Variants in GRIA1 observed in about 807,000 individuals in gnomAD.
GRIA1 encodes glutamate ionotropic receptor AMPA type subunit 1, also known as glutamate receptor 1.
In GRIA1, 31 loss-of-function variants were observed where a neutral mutation model predicts 99.2. The observed-to-expected ratio is 0.31, with a 90% CI of 0.23 to 0.42. The LOEUF is 0.42. Ranked by LOEUF, GRIA1 falls within the 10% of genes least tolerant of loss-of-function variation. The probability of loss-of-function intolerance (pLI) is 1.00; values close to 1 mark genes in which losing one functional copy is unlikely to be tolerated. For missense variants in GRIA1, 782 were observed against 1,157.5 expected, an observed-to-expected ratio of 0.68 and a Z score of 4.71; for synonymous variants, 438 against 432.4, an observed-to-expected ratio of 1.01 and a Z score of -0.16.
chr5:153,499,600 C>T lies in GRIA1; in HGVS notation c.220+5535C>T, dbSNP rs567852129. Among the ~76,000 whole-genome samples the T allele has an allele frequency of 3.9e-3, 392 of 101,632 alleles. 2 individuals carry two copies. Among genetic ancestry groups the T allele is most frequent in the Non-Finnish European group, 4.6e-3 (256 of 55,450 alleles). The allele number at this position is 101,632 out of a possible 152,430, so 66.7% of individuals were successfully genotyped here. ...ACTGCACTCCAGCCTGGCAACAGAG[C>T]GAGAATTTGTCTCAAAAAAAAAAAA... is the stretch of plus-strand genomic sequence containing the variant. On this transcript the variant is annotated intron_variant, in intron 2 of 15. Transcript: ENST00000285900.
intron 2 of GRIA1, among the ~76,000 whole-genome samples, chr5:153,626,430 C>G (rs62384389): frequency 1.4e-4 from 18 of 132,790 alleles, no homozygotes; most frequent in Non-Finnish European, 2.8e-4. Context: ...AATCTAGTCT[C>G]TGTGTGTGTG....
At chr5:153,764,255 G>T (rs1055338131) in intron 11 of GRIA1, among the ~76,000 whole-genome samples, 179 bp from the exon 12 acceptor site, 2 of 152,108 alleles carry the variant, frequency 1.3e-5, no homozygotes, top group African/African-American at 2.4e-5. Context: ...CCGTAATAAG[G>T]AACAAAATAT....
At chr5:153,676,041 T>G (rs990782333) in intron 6 of GRIA1, among the ~76,000 whole-genome samples, 1 of 152,062 alleles carries the variant, frequency 6.6e-6, no homozygotes, top group Non-Finnish European at 1.5e-5. Context: ...TATTTTTTAG[T>G]AGAGATGGGG....
intron 2 of GRIA1, among the ~76,000 whole-genome samples, chr5:153,543,982 T>C (rs1759377603): frequency 6.8e-6 from 1 of 146,110 alleles, no homozygotes; most frequent in Non-Finnish European, 1.5e-5. Context: ...ATGTTGGGGG[T>C]GGGGTCACTC....
rs1396278127 is a variant in GRIA1 at position 153,674,645 on chromosome 5, A to G, written c.845A>G (p.Asp282Gly). 10 of 1,614,042 alleles carry G rather than the reference A, an allele frequency of 6.2e-6. No individual in the cohort carries two copies. Among genetic ancestry groups the G allele is most frequent in the South Asian group, 1.1e-5 (1 of 91,078 alleles). Reference sequence around the variant, plus strand: ...GATGCTCGAGACCACACACGGGTGGACTGGAAGAGACCCAAGGTGAGTGGA... The same window carrying G: ...GATGCTCGAGACCACACACGGGTGGGCTGGAAGAGACCCAAGGTGAGTGGA... ...NSDARDHTRV[D>G]WKRPKYTSAL... is the part of the protein sequence containing the mutation. The change falls in exon 6 of 16, where the codon GAC (aspartate) becomes GGC (glycine). Residue 282 changes from aspartate (D) to glycine (G), a missense_variant. This residue lies in a region of GRIA1 where 461 missense variants were observed against 521.7 expected (regional missense o/e 0.88). Transcript: ENST00000285900.
chr5:153,787,526 A>G (rs750487884), intron 13 of GRIA1, among the ~76,000 whole-genome samples: 7 of 123,648 alleles, frequency 5.7e-5, no homozygotes, highest in Non-Finnish European at 1.2e-4. Flanking sequence ...ATCATGCCTG[A>G]TTCTTTTTTT....
At chr5:153,698,265 G>A (rs980716433) in intron 9 of GRIA1, 111 bp downstream of exon 9, 1 of 559,120 alleles carries the variant, frequency 1.8e-6, no homozygotes, top group Admixed American at 3.0e-5. Context: ...CTGTGTAATA[G>A]ATAAAAGCAG....
chr5:153,797,393 C>T (rs1765713651), intron 14 of GRIA1, among the ~76,000 whole-genome samples: 1 of 152,234 alleles, frequency 6.6e-6, no homozygotes, highest in Non-Finnish European at 1.5e-5. Context: ...TTTTCTAACA[C>T]TGCCCTAGAG....
chr5:153,804,158 T>G (rs540942479), intron 15 of GRIA1, among the ~76,000 whole-genome samples: 1 of 152,210 alleles, frequency 6.6e-6, no homozygotes, highest in Admixed American at 6.5e-5. Context: ...CAAGGAACAA[T>G]TAAGGAATGG....
At chr5:153,584,569 G>A (rs1763312058) in intron 2 of GRIA1, among the ~76,000 whole-genome samples, 1 of 152,172 alleles carries the variant, frequency 6.6e-6, no homozygotes, top group African/African-American at 2.4e-5. Flanking sequence ...TTATTAATCA[G>A]CTAGTTGCCC....
intron 12 of GRIA1, among the ~76,000 whole-genome samples, chr5:153,767,841 T>C (rs748237292): frequency 1.3e-4 from 20 of 152,182 alleles, no homozygotes; most frequent in Non-Finnish European, 2.4e-4. Flanking sequence ...ATGCTTCCAA[T>C]CTTCCCTGCC....
At chr5:153,722,952 G>A (rs1020991416) in intron 11 of GRIA1, among the ~76,000 whole-genome samples, 10 of 152,340 alleles carry the variant, frequency 6.6e-5, no homozygotes, top group African/African-American at 2.4e-4. Context: ...ACCTAAAAGT[G>A]ATGGGTAAAG....
intron 5 of GRIA1, among the ~76,000 whole-genome samples, chr5:153,673,226 G>A (rs1390793881): frequency 6.6e-6 from 1 of 152,088 alleles, no homozygotes; most frequent in African/African-American, 2.4e-5. Flanking sequence ...TCAGACACAG[G>A]CATCACTTCA....
intron 11 of GRIA1, among the ~76,000 whole-genome samples, chr5:153,754,515 G>A (rs72804607): frequency 0.024 from 3,689 of 152,284 alleles, 60 homozygotes; most frequent in Non-Finnish European, 0.036. Context: ...AGGGAAGAAG[G>A]AGTCTTAGGT....
chr5:153,795,748 T>A (rs2149662289), intron 14 of GRIA1, among the ~76,000 whole-genome samples: 1 of 152,242 alleles, frequency 6.6e-6, no homozygotes, highest in South Asian at 2.1e-4. Context: ...AAAGTTTGAA[T>A]ATCAGCACGC....
chr5:153,535,182 A>G (rs867867745), intron 2 of GRIA1, among the ~76,000 whole-genome samples: 5 of 152,162 alleles, frequency 3.3e-5, no homozygotes, highest in Admixed American at 2.6e-4. Flanking sequence ...TCGGCCTCCC[A>G]AAATGCTGGG....
intron 2 of GRIA1, among the ~76,000 whole-genome samples, chr5:153,588,583 C>T (rs188183629): frequency 1.5e-3 from 230 of 152,246 alleles, no homozygotes; most frequent in African/African-American, 5.3e-3. Context: ...CATTTTCTGC[C>T]TTTGTGACCT....
chr5:153,682,677 C>G (rs1450990372), intron 7 of GRIA1, among the ~76,000 whole-genome samples: 4 of 152,180 alleles, frequency 2.6e-5, no homozygotes, highest in African/African-American at 9.7e-5. Flanking sequence ...TGACCCCCAC[C>G]CTGCTCCTTG....
At chr5:153,528,766 T>C (rs192416919) in intron 2 of GRIA1, among the ~76,000 whole-genome samples, 1 of 152,310 alleles carries the variant, frequency 6.6e-6, no homozygotes, top group Admixed American at 6.5e-5. Flanking sequence ...ATCCAGAAAA[T>C]AAGGCATTCT....
Sources: gnomAD v4.1 joint callset for allele counts (sites outside exome capture counted in the v4.1 genomes callset) on GRCh38, gnomAD v4.1.1 for gene constraint, gnomAD v4.1.1 regional missense constraint, MANE v1.5 for transcripts, NCBI Gene and HGNC (gene_info 2026-07-23, HGNC 2026-07-21) for gene names.